Variants in TAFA2 observed in about 807,000 individuals in gnomAD.
TAFA2 encodes TAFA chemokine like family member 2.
Under a neutral mutation model 18.8 loss-of-function variants are expected in TAFA2, and 7 were observed. That is an observed-to-expected ratio of 0.37 (90% CI 0.21 to 0.70). The LOEUF is 0.70. Among genes scored for constraint, TAFA2 ranks in the 30% least tolerant of loss-of-function variants. The pLI is 0.53. For synonymous variants in TAFA2, 60 were observed against 54.2 expected, an observed-to-expected ratio of 1.11 and a Z score of -0.47; for missense variants, 122 against 158.1, an observed-to-expected ratio of 0.77 and a Z score of 1.23.
intron 1 of TAFA2, among the ~76,000 whole-genome samples, chr12:61,944,159 G>A (rs1453947054): frequency 8.0e-4 from 111 of 139,400 alleles, no homozygotes; most frequent in Non-Finnish European, 1.4e-3. Flanking sequence ...CTCACTCAAA[G>A]CCGCTCAACT....
At chr12:61,780,850 G>A (rs928513576) in intron 2 of TAFA2, among the ~76,000 whole-genome samples, 2 of 151,648 alleles carry the variant, frequency 1.3e-5, no homozygotes, top group African/African-American at 4.8e-5. Context: ...CTTAAATAAA[G>A]TCTTCCTTGC....
chr12:61,772,920 G>A (rs114677536), intron 2 of TAFA2, among the ~76,000 whole-genome samples: 3,004 of 151,972 alleles, frequency 0.02, 103 homozygotes, highest in African/African-American at 0.068. Context: ...AAGTCAAACT[G>A]TCTCTGTGTG....
intron 1 of TAFA2, among the ~76,000 whole-genome samples, chr12:61,968,659 A>T (rs781230331): frequency 6.6e-6 from 1 of 151,784 alleles, no homozygotes; most frequent in Non-Finnish European, 1.5e-5. Flanking sequence ...ACTCTGTTCT[A>T]GTCACTGTGC....
intron 1 of TAFA2, among the ~76,000 whole-genome samples, chr12:62,257,187 T>TGTGTGG (rs2062944765): frequency 2.8e-5 from 1 of 35,624 alleles, no homozygotes; most frequent in African/African-American, 1.0e-4. Flanking sequence ...TGTGTGTGTG[T>TGTGTGG]GTGTGTGTGT....
chr12:61,831,983 T>C lies in TAFA2; in HGVS notation c.106+35337A>G, dbSNP rs373131563. On this transcript the variant is annotated intron_variant, in intron 2 of 4. Transcript: ENST00000416284. ...TGTCATCAAACTTCTTGAAGAAAAA[T>C]ATATAAATAATTTTATCAAAATTTA... Among the ~76,000 whole-genome samples, 4 of 152,152 alleles carry C rather than the reference T, an allele frequency of 2.6e-5. No homozygotes were observed. In the East Asian group the frequency reaches 7.8e-4, roughly 30 times the overall value.
chr12:62,157,243 A>G lies in TAFA2; in HGVS notation c.-2+34016T>C, dbSNP rs183279172. Among the ~76,000 whole-genome samples the G allele has an allele frequency of 5.3e-5, 8 of 152,290 alleles. No individual in the cohort carries two copies. The East Asian group carries it at 1.5e-3, about 29-fold the overall frequency. Reference sequence around the variant, plus strand: ...AAGAAGCCTATGAATTTTTTCATATATCAAAAAATGATTTGGGAAGAGGAT... The same window carrying G: ...AAGAAGCCTATGAATTTTTTCATATGTCAAAAAATGATTTGGGAAGAGGAT... On this transcript the variant is annotated intron_variant, in intron 1 of 4. Coordinates refer to ENST00000416284, the MANE Select transcript of TAFA2 (RefSeq NM_178539.5).
chr12:61,767,653 CA>C (rs1397913389), intron 2 of TAFA2, among the ~76,000 whole-genome samples: 9 of 152,132 alleles, frequency 5.9e-5, no homozygotes, highest in South Asian at 2.1e-4. Context: ...ACATGAAAAG[CA>C]AATTTAGGTT....
chr12:61,758,636 T>C (rs142847115), intron 2 of TAFA2, among the ~76,000 whole-genome samples: 19 of 152,122 alleles, frequency 1.2e-4, no homozygotes, highest in Middle Eastern at 3.4e-3. Context: ...CTGAAATAGA[T>C]ACCTAAGAAA....
intron 1 of TAFA2, among the ~76,000 whole-genome samples, chr12:61,926,129 T>C (rs1236755273): frequency 6.6e-6 from 1 of 152,090 alleles, no homozygotes; most frequent in South Asian, 2.1e-4. Context: ...TGGTCACATA[T>C]ACCCTTCCAA....
intron 2 of TAFA2, among the ~76,000 whole-genome samples, chr12:61,859,135 G>A (rs533303014): frequency 6.6e-6 from 1 of 152,356 alleles, no homozygotes; most frequent in East Asian, 1.9e-4. Context: ...GCATGGTTAG[G>A]AAGGCCTCAG....
At chr12:62,058,054 G>A (rs928419878) in intron 1 of TAFA2, among the ~76,000 whole-genome samples, 4 of 152,104 alleles carry the variant, frequency 2.6e-5, no homozygotes, top group African/African-American at 9.7e-5. Flanking sequence ...AAATAAAACT[G>A]ATTTGTTGAA....
intron 1 of TAFA2, among the ~76,000 whole-genome samples, chr12:62,244,072 G>A (rs1480661406): frequency 2.0e-5 from 3 of 150,590 alleles, no homozygotes; most frequent in South Asian, 2.1e-4. Flanking sequence ...TTACAAGTAT[G>A]AGCCACCATA....
At chr12:61,945,090 CA>C (rs1878210638) in intron 1 of TAFA2, among the ~76,000 whole-genome samples, 1 of 136,676 alleles carries the variant, frequency 7.3e-6, no homozygotes, top group African/African-American at 3.0e-5. Flanking sequence ...AGCAGCACAT[CA>C]AAAAGCTTAT....
intron 1 of TAFA2, among the ~76,000 whole-genome samples, chr12:61,919,684 G>T (rs982826187): frequency 1.3e-5 from 2 of 151,002 alleles, no homozygotes; most frequent in Non-Finnish European, 3.0e-5. Flanking sequence ...TATTATATAC[G>T]TTTATTTTAT....
In TAFA2 at chr12:62,029,916, A is replaced by G. The variant is rs559595765; in HGVS notation, c.-2+161343T>C. Among the ~76,000 whole-genome samples the G allele has an allele frequency of 6.6e-5, 10 of 152,158 alleles. No homozygotes were observed. In the South Asian group the frequency reaches 1.9e-3, roughly 28 times the overall value. Reference sequence around the variant, plus strand: ...AGAGAGTCAAGATAAGGATAGCAACATTACCACAGCAATGTCTGAAAGAAA... The same window carrying G: ...AGAGAGTCAAGATAAGGATAGCAACGTTACCACAGCAATGTCTGAAAGAAA... On this transcript the variant is annotated intron_variant, in intron 1 of 4. Transcript: ENST00000416284.
intron 1 of TAFA2, among the ~76,000 whole-genome samples, chr12:62,017,886 GTC>G (rs1283566734): frequency 2.0e-5 from 3 of 152,154 alleles, no homozygotes; most frequent in African/African-American, 7.2e-5. Context: ...GCTCAATACT[GTC>G]TGTTATAATT....
intron 1 of TAFA2, among the ~76,000 whole-genome samples, chr12:62,020,090 G>A (rs1159375118): frequency 6.6e-6 from 1 of 152,010 alleles, no homozygotes; most frequent in African/African-American, 2.4e-5. Flanking sequence ...CGTCTCAACA[G>A]GATATTGAGA....
rs75171562 is a variant in TAFA2, at chr12:62,137,487, G to A, written c.-2+53772C>T. Reference sequence around the variant, plus strand: ...GAGGATGGAATTTAGGTTCTAACTCGGAATTATCTCATTCCAAAGCTCATC... The same window carrying A: ...GAGGATGGAATTTAGGTTCTAACTCAGAATTATCTCATTCCAAAGCTCATC... On this transcript the variant is annotated intron_variant, in intron 1 of 4. Coordinates refer to ENST00000416284, the MANE Select transcript of TAFA2 (RefSeq NM_178539.5). Among the ~76,000 whole-genome samples, 301 of 152,118 alleles carry A rather than the reference G, an allele frequency of 2.0e-3. 1 individual carries two copies. The highest frequency in any genetic ancestry group is 3.4e-3 in the Middle Eastern group (1 of 294).
intron 1 of TAFA2, among the ~76,000 whole-genome samples, chr12:62,102,328 T>TCA (rs1869245846): frequency 6.6e-6 from 1 of 152,300 alleles, no homozygotes; most frequent in East Asian, 1.9e-4. Flanking sequence ...TCATGACTTT[T>TCA]CAACAGTTCA....
Sources: allele counts gnomAD v4.1 joint callset (sites outside exome capture counted in the v4.1 genomes callset), GRCh38; gene constraint gnomAD v4.1.1; transcripts MANE v1.5; gene names NCBI Gene and HGNC (gene_info 2026-07-23, HGNC 2026-07-21).